The following CSTPP1 variants were observed in gnomAD, a reference collection of about 807,000 sequenced individuals.
CSTPP1 encodes centriolar satellite-associated tubulin polyglutamylase complex regulator 1, also known as UPF0705 protein C11orf49.
chr11:47,014,666 T>C, the CSTPP1 span, among the ~76,000 whole-genome samples: 1 of 149,088 alleles, frequency 6.7e-6, no homozygotes, highest in Non-Finnish European at 1.5e-5. Context: ...GATCACACCA[T>C]TGCACTCCAG....
At chr11:47,137,712 C>G in the CSTPP1 span, 2 of 1,614,122 alleles carry the variant, frequency 1.2e-6, no homozygotes, top group South Asian at 2.2e-5. Flanking sequence ...CGCTGGAGCT[C>G]ACTCAGAAAG....
At chr11:46,965,371 T>A in the CSTPP1 span, among the ~76,000 whole-genome samples, 3 of 151,872 alleles carry the variant, frequency 2.0e-5, no homozygotes, top group East Asian at 3.9e-4. Context: ...ATTACAGGCA[T>A]GCACCACCAC....
chr11:47,140,063 T>A, the CSTPP1 span, among the ~76,000 whole-genome samples: 318 of 152,314 alleles, frequency 2.1e-3, no homozygotes, highest in Non-Finnish European at 3.5e-3. Flanking sequence ...GACACCAGCC[T>A]CACGGTGGGG....
the CSTPP1 span, among the ~76,000 whole-genome samples, chr11:47,072,545 G>A: frequency 6.6e-6 from 1 of 152,136 alleles, no homozygotes; most frequent in Non-Finnish European, 1.5e-5. Flanking sequence ...GGATATATTA[G>A]CTAATTGAAA....
chr11:47,108,733 G>A, the CSTPP1 span, among the ~76,000 whole-genome samples: 1 of 136,354 alleles, frequency 7.3e-6, no homozygotes, highest in Non-Finnish European at 1.5e-5. Flanking sequence ...TTGAGATGGA[G>A]TCTCACTGCG....
At chr11:47,153,158 G>C in the CSTPP1 span, among the ~76,000 whole-genome samples, 1 of 152,194 alleles carries the variant, frequency 6.6e-6, no homozygotes, top group Non-Finnish European at 1.5e-5. Context: ...CTGCCATCTG[G>C]GTGGGGAGGG....
At chr11:47,096,055 T>C in the CSTPP1 span, among the ~76,000 whole-genome samples, 1 of 152,148 alleles carries the variant, frequency 6.6e-6, no homozygotes, top group Admixed American at 6.5e-5. Flanking sequence ...GGCCAGAGAA[T>C]CTGTAACTCT....
chr11:46,965,804 G>A, the CSTPP1 span, among the ~76,000 whole-genome samples: 2 of 152,242 alleles, frequency 1.3e-5, no homozygotes, highest in Admixed American at 6.5e-5. Flanking sequence ...AGAAATAGTA[G>A]TTTCTTACAG....
At chr11:47,078,218 T>A in the CSTPP1 span, among the ~76,000 whole-genome samples, 138 of 152,358 alleles carry the variant, frequency 9.1e-4, no homozygotes, top group African/African-American at 3.3e-3. Flanking sequence ...TGAGTTTTGT[T>A]AAGTATGACA....
the CSTPP1 span, among the ~76,000 whole-genome samples, chr11:46,992,444 T>C: frequency 7.3e-6 from 1 of 136,822 alleles, no homozygotes; most frequent in Non-Finnish European, 1.5e-5. Flanking sequence ...TGTGTCCAAG[T>C]GTTTTCATTG....
the CSTPP1 span, among the ~76,000 whole-genome samples, chr11:46,972,874 T>C: frequency 1.6e-4 from 24 of 152,322 alleles, 2 homozygotes; most frequent in African/African-American, 5.1e-4. Flanking sequence ...GTACCAATCA[T>C]GATCATTTTA....
At chr11:47,027,454 C>CT in the CSTPP1 span, among the ~76,000 whole-genome samples, 1 of 152,218 alleles carries the variant, frequency 6.6e-6, no homozygotes, top group African/African-American at 2.4e-5. Context: ...AAAGAACCGT[C>CT]TTTCTTCCTT....
the CSTPP1 span, chr11:47,162,348 C>A: frequency 1.4e-6 from 1 of 717,054 alleles, no homozygotes; most frequent in Non-Finnish European, 1.7e-6. Context: ...CAGTGGCCCA[C>A]TCAGACCTGG....
the CSTPP1 span, among the ~76,000 whole-genome samples, chr11:47,106,495 T>C: frequency 2.0e-5 from 3 of 151,816 alleles, no homozygotes; most frequent in Admixed American, 6.6e-5. Context: ...ATACAAAAAT[T>C]AGCCAGGCGT....
chr11:47,116,536 CTCT>C, the CSTPP1 span, among the ~76,000 whole-genome samples: 13 of 152,020 alleles, frequency 8.6e-5, no homozygotes, highest in African/African-American at 3.1e-4. Context: ...GGATAGTTAG[CTCT>C]TCTTGTTGAA....
chr11:47,021,153 C>T, the CSTPP1 span, among the ~76,000 whole-genome samples: 4 of 152,220 alleles, frequency 2.6e-5, no homozygotes, highest in African/African-American at 9.7e-5. Flanking sequence ...CTAACCACTA[C>T]ATTGGTTTTA....
the CSTPP1 span, among the ~76,000 whole-genome samples, chr11:47,036,853 A>G: frequency 1.6e-5 from 2 of 122,166 alleles, no homozygotes; most frequent in African/African-American, 5.1e-5. Context: ...AATTTTTTTT[A>G]TTTTTCTTAG....
chr11:47,038,571 C>T, the CSTPP1 span, among the ~76,000 whole-genome samples: 4 of 104,514 alleles, frequency 3.8e-5, no homozygotes, highest in South Asian at 9.9e-4. Context: ...GGCGGCTGGC[C>T]GGGCGGGGGG....
the CSTPP1 span, among the ~76,000 whole-genome samples, chr11:47,013,980 T>G: frequency 1.3e-5 from 2 of 152,172 alleles, no homozygotes; most frequent in African/African-American, 4.8e-5. Context: ...CCAAGGTGGG[T>G]GGATTGTTTG....
Sources: gnomAD v4.1 joint callset for allele counts (sites outside exome capture counted in the v4.1 genomes callset) on GRCh38, gnomAD v4.1.1 for gene constraint, MANE v1.5 for transcripts, NCBI Gene and HGNC (gene_info 2026-07-23, HGNC 2026-07-21) for gene names.